ADGRL3: variants seen among roughly 807,000 people sequenced by gnomAD.
The protein encoded by ADGRL3 is calcium-independent alpha-latrotoxin receptor 3.
A neutral mutation model predicts 153.5 loss-of-function variants in ADGRL3; 62 were observed. The observed-to-expected ratio is 0.40, with a 90% CI of 0.33 to 0.50. The LOEUF (loss-of-function observed/expected upper bound fraction) is 0.50, where lower values mean the gene tolerates loss of function less well. ADGRL3 is among the 20% of genes least tolerant of loss of function. The pLI is 0.47. For missense variants in ADGRL3, 1,641 were observed against 1,859.4 expected, an observed-to-expected ratio of 0.88 and a Z score of 2.16; for synonymous variants, 710 against 672.5, an observed-to-expected ratio of 1.06 and a Z score of -0.86.
chr4:61,736,529 G>A (rs1362962159), intron 8 of ADGRL3, among the ~76,000 whole-genome samples: 1 of 152,064 alleles, frequency 6.6e-6, no homozygotes, highest in East Asian at 1.9e-4. Context: ...GTGGTGGTGG[G>A]TGCCTGTAAT....
intron 21 of ADGRL3, among the ~76,000 whole-genome samples, chr4:62,023,568 T>C (rs1272227625): frequency 3.9e-5 from 6 of 152,144 alleles, no homozygotes; most frequent in Admixed American, 3.3e-4. Flanking sequence ...AACTTCACTG[T>C]GGTCTTATTT....
At chr4:61,805,560 C>A (rs1463154577) in intron 8 of ADGRL3, among the ~76,000 whole-genome samples, 2 of 152,100 alleles carry the variant, frequency 1.3e-5, no homozygotes, top group East Asian at 1.9e-4. Flanking sequence ...ATTTTTCCAG[C>A]ACCATAACCC....
chr4:61,779,087 A>G (rs2097184828), intron 8 of ADGRL3, among the ~76,000 whole-genome samples: 1 of 152,108 alleles, frequency 6.6e-6, no homozygotes, highest in Non-Finnish European at 1.5e-5. Context: ...TGTAGAGGAA[A>G]TATTAGAATG....
At chr4:61,443,124 AAT>A (rs2097544674) in intron 2 of ADGRL3, among the ~76,000 whole-genome samples, 1 of 152,198 alleles carries the variant, frequency 6.6e-6, no homozygotes, top group Non-Finnish European at 1.5e-5. Context: ...GTTTTATATC[AAT>A]AGAGTCATGT....
intron 10 of ADGRL3, among the ~76,000 whole-genome samples, chr4:61,894,651 A>G (rs1279867385): frequency 2.0e-5 from 3 of 152,076 alleles, no homozygotes; most frequent in Non-Finnish European, 4.4e-5. Context: ...TGGAAAAGAT[A>G]TTTTCTGAAG....
chr4:61,432,002 A>T (rs550645904), intron 2 of ADGRL3, among the ~76,000 whole-genome samples: 1 of 152,186 alleles, frequency 6.6e-6, no homozygotes, highest in South Asian at 2.1e-4. Flanking sequence ...CATTTGTAGT[A>T]TTTATATTAA....
chr4:61,374,864 A>G lies in ADGRL3; in HGVS notation c.-239-8260A>G, dbSNP rs183561299. ...GCTTTTTAAACTTTAGTTAGAATAC[A>G]TTTATTGATTTTTTTTTAATGACCA... On this transcript the variant is annotated intron_variant, in intron 1 of 26. Transcript: ENST00000683033. Among the ~76,000 whole-genome samples, 58 of 151,828 alleles carry G rather than the reference A, an allele frequency of 3.8e-4. 2 individuals carry two copies. The highest frequency in any genetic ancestry group is 3.4e-3 in the Admixed American group (52 of 15,234).
intron 2 of ADGRL3, among the ~76,000 whole-genome samples, chr4:61,419,839 G>T (rs1274980371): frequency 6.7e-6 from 1 of 149,684 alleles, no homozygotes; most frequent in East Asian, 2.0e-4. Flanking sequence ...TCGTCACCTA[G>T]GCTGGACAGC....
intron 25 of ADGRL3, among the ~76,000 whole-genome samples, chr4:62,061,568 CA>C (rs1740177665): frequency 6.6e-6 from 1 of 152,012 alleles, no homozygotes; most frequent in Non-Finnish European, 1.5e-5. Context: ...TTTATCACCA[CA>C]AGGATGCGTC....
chr4:61,466,631 T>C (rs906517291), intron 2 of ADGRL3, among the ~76,000 whole-genome samples: 5 of 152,192 alleles, frequency 3.3e-5, no homozygotes, highest in Non-Finnish European at 7.4e-5. Context: ...AGATTTTTCC[T>C]GTTTTGTTCC....
At position 61,813,806 on chromosome 4, in the gene ADGRL3, C is replaced by T. The variant is rs755841178; in HGVS notation, c.1400-3C>T. ...TTCTTAACAATTTGTTTTGGGTCCA[C>T]AGGGCAGGCACATCATGGACAAGTT... On this transcript the variant is annotated splice_region_variant and splice_polypyrimidine_tract_variant and intron_variant, in intron 8 of 26. Coordinates refer to ENST00000683033, the MANE Select transcript of ADGRL3 (RefSeq NM_001387552.1). The T allele has an allele frequency of 1.3e-6, 2 of 1,595,950 alleles. No homozygotes were observed. Among genetic ancestry groups the T allele is most frequent in the Non-Finnish European group, 1.7e-6 (2 of 1,163,748 alleles).
chr4:61,841,726 A>T (rs990491682), intron 9 of ADGRL3, among the ~76,000 whole-genome samples: 9 of 152,242 alleles, frequency 5.9e-5, no homozygotes, highest in Non-Finnish European at 1.0e-4. Context: ...ATGAGAAAAA[A>T]TAATTTCCAC....
At chr4:61,517,252 G>C (rs1402606387) in intron 3 of ADGRL3, 63 bp from the exon 4 acceptor site, 16 of 687,908 alleles carry the variant, frequency 2.3e-5, no homozygotes, top group Non-Finnish European at 4.3e-5. Context: ...CCTCTACCAG[G>C]GCTCCCCTGA....
intron 1 of ADGRL3, among the ~76,000 whole-genome samples, chr4:61,258,318 C>A (rs1450566839): frequency 6.6e-6 from 1 of 152,136 alleles, no homozygotes; most frequent in Admixed American, 6.5e-5. Context: ...ACATACAGCT[C>A]TTGCTATATT....
intron 1 of ADGRL3, among the ~76,000 whole-genome samples, chr4:61,259,055 T>C (rs1029942909): frequency 6.6e-6 from 1 of 152,108 alleles, no homozygotes; most frequent in Non-Finnish European, 1.5e-5. Flanking sequence ...TGAACTTACC[T>C]CAAAACGAAT....
chr4:61,438,712 T>TTC (rs1394187210), intron 2 of ADGRL3, among the ~76,000 whole-genome samples: 2 of 101,478 alleles, frequency 2.0e-5, no homozygotes, highest in African/African-American at 3.2e-5. Context: ...CTTTCTTTCT[T>TTC]TTTTTTTTTT....
chr4:61,624,693 A>G (rs571719370), intron 5 of ADGRL3, among the ~76,000 whole-genome samples: 7 of 152,166 alleles, frequency 4.6e-5, no homozygotes, highest in African/African-American at 1.7e-4. Context: ...GTTTTGTGGA[A>G]CCCAGGTTGA....
intron 2 of ADGRL3, among the ~76,000 whole-genome samples, chr4:61,387,589 G>C (rs1032672495): frequency 3.3e-5 from 5 of 152,022 alleles, no homozygotes; most frequent in African/African-American, 1.2e-4. Context: ...AGAATTCAGC[G>C]ATATTTCTCC....
At chr4:62,027,047 C>T (rs572013725) in intron 21 of ADGRL3, among the ~76,000 whole-genome samples, 13 of 151,908 alleles carry the variant, frequency 8.6e-5, no homozygotes, top group African/African-American at 2.4e-4. Context: ...TTGTACTATA[C>T]GAATTAAGGT....
Sources: allele counts gnomAD v4.1 joint callset (sites outside exome capture counted in the v4.1 genomes callset), GRCh38; gene constraint gnomAD v4.1.1; transcripts MANE v1.5; gene names NCBI Gene and HGNC (gene_info 2026-07-23, HGNC 2026-07-21).